The following GPC5 variants were observed in gnomAD, a reference collection of about 807,000 sequenced individuals.
GPC5 encodes the protein glypican-5.
A neutral mutation model predicts 53.9 loss-of-function variants in GPC5; 47 were observed. The ratio of observed to expected loss-of-function variants is 0.87; its 90% CI spans 0.69 to 1.11. The LOEUF is 1.11. Ranked by LOEUF, GPC5 falls within the 50% of genes most tolerant of loss-of-function variation. The pLI is 0.00. For missense variants in GPC5, 748 were observed against 713.1 expected (o/e 1.05, Z -0.56); for synonymous variants, 286 against 263.3 (o/e 1.09, Z -0.84).
chr13:91,880,799 GT>G (rs1373051182), intron 5 of GPC5, among the ~76,000 whole-genome samples: 1 of 152,026 alleles, frequency 6.6e-6, no homozygotes, highest in Admixed American at 6.6e-5. Context: ...TTTTTTGTTT[GT>G]TTGTTTGTTT....
chr13:92,036,733 T>A (rs985230840), intron 6 of GPC5, among the ~76,000 whole-genome samples: 1 of 152,232 alleles, frequency 6.6e-6, no homozygotes, highest in Non-Finnish European at 1.5e-5. Context: ...TATCTGCTCC[T>A]ACTCCAGCCT....
chr13:92,480,505 TAAG>T (rs1467373988), intron 7 of GPC5, among the ~76,000 whole-genome samples: 2 of 152,164 alleles, frequency 1.3e-5, no homozygotes, highest in Non-Finnish European at 2.9e-5. Flanking sequence ...CTGTATCATA[TAAG>T]AAGTCCTGAG....
intron 1 of GPC5, among the ~76,000 whole-genome samples, chr13:91,415,309 A>G (rs1176647995): frequency 6.6e-6 from 1 of 152,144 alleles, no homozygotes; most frequent in Non-Finnish European, 1.5e-5. Flanking sequence ...AATCCCCTAC[A>G]TGTGCAGGCA....
At chr13:91,861,224 C>G (rs1003348322) in intron 5 of GPC5, among the ~76,000 whole-genome samples, 2 of 152,126 alleles carry the variant, frequency 1.3e-5, no homozygotes, top group African/African-American at 4.8e-5. Flanking sequence ...TCAATAAGAT[C>G]AAAGTGATTT....
chr13:92,392,200 A>T (rs974349195), intron 7 of GPC5, among the ~76,000 whole-genome samples: 2 of 152,180 alleles, frequency 1.3e-5, no homozygotes, highest in Non-Finnish European at 2.9e-5. Flanking sequence ...CACTTTTAAA[A>T]TTCAAACCAT....
intron 6 of GPC5, among the ~76,000 whole-genome samples, chr13:91,914,535 A>G (rs1037508335): frequency 4.2e-4 from 64 of 152,182 alleles, no homozygotes; most frequent in African/African-American, 1.5e-3. Context: ...CCACAAAAGA[A>G]GTAGATTTTC....
At chr13:92,464,110 T>C (rs1013507257) in intron 7 of GPC5, among the ~76,000 whole-genome samples, 1 of 152,172 alleles carries the variant, frequency 6.6e-6, no homozygotes, top group Non-Finnish European at 1.5e-5. Context: ...TTAAGAAGGT[T>C]AAATAACTCA....
intron 7 of GPC5, among the ~76,000 whole-genome samples, chr13:92,658,302 T>G (rs980601656): frequency 3.3e-5 from 5 of 152,242 alleles, no homozygotes; most frequent in African/African-American, 1.2e-4. Context: ...ATGGCAATAT[T>G]TATCAATCAT....
chr13:92,315,411 T>C (rs9523624), intron 7 of GPC5, among the ~76,000 whole-genome samples: 18,482 of 152,128 alleles, frequency 0.12, 1,257 homozygotes, highest in African/African-American at 0.17. Flanking sequence ...CTCTACCCAG[T>C]CTCCCTGTTC....
At chr13:92,599,522 T>C (rs1311819896) in intron 7 of GPC5, among the ~76,000 whole-genome samples, 1 of 152,186 alleles carries the variant, frequency 6.6e-6, no homozygotes, top group Non-Finnish European at 1.5e-5. Flanking sequence ...AAGTTGATTC[T>C]GCAGAGATCT....
At chr13:92,525,220 ATTTCTGC>A (rs1293120531) in intron 7 of GPC5, among the ~76,000 whole-genome samples, 2 of 151,960 alleles carry the variant, frequency 1.3e-5, no homozygotes, top group African/African-American at 4.8e-5. Flanking sequence ...TTATTTATGA[ATTTCTGC>A]TGTTATTGCT....
chr13:91,982,829 G>C (rs1287043594), intron 6 of GPC5, among the ~76,000 whole-genome samples: 1 of 152,132 alleles, frequency 6.6e-6, no homozygotes, highest in Non-Finnish European at 1.5e-5. Flanking sequence ...TTCCATTAGA[G>C]TTCCTGGCTT....
intron 7 of GPC5, among the ~76,000 whole-genome samples, chr13:92,538,763 T>C: frequency 1.2e-5 from 1 of 85,040 alleles, no homozygotes; most frequent in Non-Finnish European, 2.3e-5. Flanking sequence ...GTTTCCAGCT[T>C]CATCCATGTC....
At chr13:91,762,178 T>C (rs2037426839) in intron 5 of GPC5, among the ~76,000 whole-genome samples, 1 of 152,186 alleles carries the variant, frequency 6.6e-6, no homozygotes, top group Non-Finnish European at 1.5e-5. Context: ...CTCAACTGGT[T>C]GTGTGTGAGT....
intron 7 of GPC5, among the ~76,000 whole-genome samples, chr13:92,501,587 A>C (rs758306829): frequency 2.0e-5 from 3 of 152,132 alleles, no homozygotes; most frequent in Non-Finnish European, 2.9e-5. Flanking sequence ...CTGCAGATTC[A>C]AAACACTCAT....
chr13:92,423,669 C>T (rs1291374620), intron 7 of GPC5, among the ~76,000 whole-genome samples: 4 of 152,136 alleles, frequency 2.6e-5, no homozygotes, highest in African/African-American at 9.7e-5. Context: ...ATTAACTTTG[C>T]TTTCATAGCA....
chr13:92,261,563 T>A (rs2042767344), intron 7 of GPC5, among the ~76,000 whole-genome samples: 1 of 152,118 alleles, frequency 6.6e-6, no homozygotes, highest in African/African-American at 2.4e-5. Flanking sequence ...ATTTAGAAAT[T>A]GATTTCTGCC....
intron 5 of GPC5, among the ~76,000 whole-genome samples, chr13:91,907,293 A>G (rs1048961146): frequency 1.3e-5 from 2 of 148,580 alleles, no homozygotes; most frequent in African/African-American, 4.9e-5. Flanking sequence ...AGATTTATTA[A>G]TAAAACTATT....
chr13:92,697,893 T>A (rs1887604585), intron 7 of GPC5, among the ~76,000 whole-genome samples: 1 of 152,070 alleles, frequency 6.6e-6, no homozygotes, highest in Non-Finnish European at 1.5e-5. Flanking sequence ...TTATTGAGAG[T>A]TTTTAGCATG....
Sources: allele counts gnomAD v4.1 joint callset (sites outside exome capture counted in the v4.1 genomes callset), GRCh38; gene constraint gnomAD v4.1.1; transcripts MANE v1.5; gene names NCBI Gene and HGNC (gene_info 2026-07-23, HGNC 2026-07-21).